Variants in P4HA1 observed in about 807,000 individuals in gnomAD.
P4HA1 encodes prolyl 4-hydroxylase subunit alpha 1.
In P4HA1, 24 loss-of-function variants were observed where a neutral mutation model predicts 72.8. The ratio of observed to expected loss-of-function variants is 0.33; its 90% CI spans 0.24 to 0.46. The LOEUF is 0.46. Ranked by LOEUF, P4HA1 falls within the 20% of genes least tolerant of loss-of-function variation. The probability of loss-of-function intolerance (pLI) is 1.00; values close to 1 mark genes in which losing one functional copy is unlikely to be tolerated. For missense variants in P4HA1, 446 were observed against 640.6 expected, an observed-to-expected ratio of 0.70 and a Z score of 3.28; for synonymous variants, 201 against 218.8, an observed-to-expected ratio of 0.92 and a Z score of 0.72.
chr10:73,064,339 G>A (rs900476606), intron 5 of P4HA1, among the ~76,000 whole-genome samples: 1 of 152,054 alleles, frequency 6.6e-6, no homozygotes, highest in African/African-American at 2.4e-5. Context: ...GCTGCTTGTG[G>A]TGGCACATGC....
intron 13 of P4HA1, among the ~76,000 whole-genome samples, chr10:73,010,696 C>T (rs1250620858): frequency 1.3e-5 from 2 of 151,978 alleles, no homozygotes. Flanking sequence ...CAGGGAGACA[C>T]TGTCTCTACA....
intron 11 of P4HA1, among the ~76,000 whole-genome samples, chr10:73,015,864 A>T (rs1221349927): frequency 1.4e-5 from 2 of 147,560 alleles, no homozygotes; most frequent in Non-Finnish European, 3.0e-5. Context: ...TTTATTGGGT[A>T]TCTAGGTGTT....
At chr10:73,094,830 T>C (rs190026341) in intron 1 of P4HA1, among the ~76,000 whole-genome samples, 3 of 152,354 alleles carry the variant, frequency 2.0e-5, no homozygotes, top group Admixed American at 2.0e-4. Context: ...AATAGTCTTT[T>C]GCACTAATTT....
chr10:73,089,151 A>ATTATTTGAAATATGTTT (rs1434063206), intron 1 of P4HA1, among the ~76,000 whole-genome samples: 1 of 152,214 alleles, frequency 6.6e-6, no homozygotes, highest in Non-Finnish European at 1.5e-5. Context: ...TTTTCAACAT[A>ATTATTTGAAATATGTTT]CAAATATTAC....
chr10:73,076,095 A>G (rs1841691225), intron 1 of P4HA1, among the ~76,000 whole-genome samples: 1 of 152,104 alleles, frequency 6.6e-6, no homozygotes, highest in Non-Finnish European at 1.5e-5. Context: ...GAATAAATAA[A>G]ATAAAATTGA....
chr10:73,037,552 TATATATATATATATA>T (rs1840615120), intron 9 of P4HA1, among the ~76,000 whole-genome samples: 14 of 32,364 alleles, frequency 4.3e-4, no homozygotes, highest in African/African-American at 1.5e-3. Flanking sequence ...TATATATATA[TATATATATATATATA>T]TATATTTTTT....
intron 3 of P4HA1, 45 bp from the exon 4 acceptor site, chr10:73,072,225 G>A (rs199625904): frequency 2.0e-6 from 3 of 1,476,010 alleles, no homozygotes; most frequent in Non-Finnish European, 2.8e-6. Flanking sequence ...ATTTCATAGG[G>A]AAAAACACAA....
intron 5 of P4HA1, among the ~76,000 whole-genome samples, chr10:73,057,294 T>A (rs1245518168): frequency 6.6e-6 from 1 of 151,426 alleles, no homozygotes; most frequent in Non-Finnish European, 1.5e-5. Context: ...ATCGCGATCA[T>A]CCTGGCTAAC....
chr10:73,088,750 A>C (rs993259505), intron 1 of P4HA1, among the ~76,000 whole-genome samples: 2 of 152,248 alleles, frequency 1.3e-5, no homozygotes, highest in Admixed American at 1.3e-4. Context: ...TGAATATTCA[A>C]CTGTTCCAGA....
Position 73,010,902 on chromosome 10 carries a change from T to G in P4HA1, c.1437+67A>C, listed in dbSNP as rs1054723722. Reference sequence around the variant, plus strand: ...AAAATGTAATTCATTAATTAGACCATGAATACAAGTGCATCTCTTCCTTAG... The same window carrying G: ...AAAATGTAATTCATTAATTAGACCAGGAATACAAGTGCATCTCTTCCTTAG... On this transcript the variant is annotated intron_variant, in intron 13 of 14. Coordinates refer to ENST00000394890, the MANE Select transcript of P4HA1 (RefSeq NM_001017962.3). 8 of 1,079,028 alleles carry G rather than the reference T, an allele frequency of 7.4e-6. No individual in the cohort carries two copies. The African/African-American group carries it at 1.1e-4, about 15-fold the overall frequency. 66.8% of individuals were successfully genotyped at this position (1,079,028 alleles called of 1,614,324 possible). A position where few individuals can be genotyped will look rare whatever the true frequency, so the allele number is the denominator to read the frequency against.
chr10:73,028,442 T>C (rs1384904671), intron 10 of P4HA1, among the ~76,000 whole-genome samples: 1 of 152,118 alleles, frequency 6.6e-6, no homozygotes, highest in African/African-American at 2.4e-5. Context: ...TTTATTTATT[T>C]ATTTCTGAAA....
chr10:73,096,348 C>T (rs1361356395), intron 1 of P4HA1, among the ~76,000 whole-genome samples: 2 of 152,146 alleles, frequency 1.3e-5, no homozygotes, highest in African/African-American at 4.8e-5. Flanking sequence ...GCGGCTGTGG[C>T]GGCCAAAAGC....
intron 1 of P4HA1, among the ~76,000 whole-genome samples, chr10:73,088,905 T>C (rs1478646635): frequency 6.6e-6 from 1 of 152,270 alleles, no homozygotes; most frequent in Non-Finnish European, 1.5e-5. Context: ...TTAAACTAAG[T>C]TGAAATCAGG....
chr10:73,062,859 A>G (rs900810364), intron 5 of P4HA1, among the ~76,000 whole-genome samples: 4 of 152,212 alleles, frequency 2.6e-5, no homozygotes, highest in Admixed American at 2.0e-4. Flanking sequence ...TGGTCTGACA[A>G]TGAGCTGTTG....
At chr10:73,090,485 A>G (rs759517373) in intron 1 of P4HA1, among the ~76,000 whole-genome samples, 6 of 152,072 alleles carry the variant, frequency 3.9e-5, no homozygotes, top group Non-Finnish European at 4.4e-5. Flanking sequence ...GATTGTACTG[A>G]TATTTTTTTA....
At chr10:73,045,101 T>A (rs748394504) in intron 8 of P4HA1, 50 bp from the exon 9 acceptor site, 1 of 1,472,184 alleles carries the variant, frequency 6.8e-7, no homozygotes, top group Non-Finnish European at 9.5e-7. Flanking sequence ...AAAAACTGAA[T>A]CACATTTACC....
At chr10:73,019,232 AGACTAC>A (rs1317880254) in intron 10 of P4HA1, among the ~76,000 whole-genome samples, 1 of 152,192 alleles carries the variant, frequency 6.6e-6, no homozygotes, top group Non-Finnish European at 1.5e-5. Context: ...AGGCTATAAG[AGACTAC>A]AGTACTGAAC....
At chr10:73,081,859 C>T (rs1391903957) in intron 1 of P4HA1, among the ~76,000 whole-genome samples, 1 of 152,138 alleles carries the variant, frequency 6.6e-6, no homozygotes, top group Non-Finnish European at 1.5e-5. Flanking sequence ...AGGGTGAAAC[C>T]CTGTCTCTAC....
At chr10:73,069,773 C>T (rs866068628) in intron 4 of P4HA1, among the ~76,000 whole-genome samples, 43 of 142,840 alleles carry the variant, frequency 3.0e-4, no homozygotes, top group African/African-American at 8.6e-4. Flanking sequence ...AGGTATGAGA[C>T]TTCCCTCTCT....
Sources: allele counts gnomAD v4.1 joint callset (sites outside exome capture counted in the v4.1 genomes callset), GRCh38; gene constraint gnomAD v4.1.1; transcripts MANE v1.5; gene names NCBI Gene and HGNC (gene_info 2026-07-23, HGNC 2026-07-21).